Variants in CMIP observed in about 807,000 individuals in gnomAD.
CMIP encodes the protein c-Maf inducing protein.
Under a neutral mutation model 97.3 loss-of-function variants are expected in CMIP, and 13 were observed. The observed-to-expected ratio is 0.13, with a 90% confidence interval of 0.09 to 0.21. The LOEUF (loss-of-function observed/expected upper bound fraction) is 0.21, where lower values mean the gene tolerates loss of function less well. CMIP is among the 10% of genes least tolerant of loss of function. The pLI is 1.00. For synonymous variants in CMIP, 538 were observed against 436.3 expected, an observed-to-expected ratio of 1.23 and a Z score of -2.91; for missense variants, 847 against 1,024.9, an observed-to-expected ratio of 0.83 and a Z score of 2.37.
At chr16:81,679,724 CTG>C (rs981247007) in intron 10 of CMIP, among the ~76,000 whole-genome samples, 7 of 152,042 alleles carry the variant, frequency 4.6e-5, no homozygotes, top group Non-Finnish European at 8.8e-5. Context: ...AACCTCAACT[CTG>C]TGACTCTAGG....
intron 1 of CMIP, among the ~76,000 whole-genome samples, chr16:81,562,708 G>A (rs1009165298): frequency 3.3e-5 from 5 of 152,246 alleles, no homozygotes; most frequent in African/African-American, 1.2e-4. Flanking sequence ...TCTGTCCAGT[G>A]CCAGATGGCA....
At chr16:81,452,400 T>C (rs933786734) in intron 1 of CMIP, among the ~76,000 whole-genome samples, 2 of 152,094 alleles carry the variant, frequency 1.3e-5, no homozygotes, top group African/African-American at 4.8e-5. Flanking sequence ...ATTCAGCAGT[T>C]AAGTGTCACC....
At chr16:81,641,773 TGCAACTG>T (rs2092309507) in intron 3 of CMIP, among the ~76,000 whole-genome samples, 1 of 152,230 alleles carries the variant, frequency 6.6e-6, no homozygotes, top group African/African-American at 2.4e-5. Flanking sequence ...TGCACCAGCC[TGCAACTG>T]CCTTTGGGAA....
chr16:81,690,978 G>C (rs1189773341), intron 10 of CMIP, among the ~76,000 whole-genome samples: 2 of 152,084 alleles, frequency 1.3e-5, no homozygotes, highest in Non-Finnish European at 2.9e-5. Context: ...CAACAAATCA[G>C]GAGGTTTGAC....
chr16:81,647,440 G>A lies in CMIP; in HGVS notation c.478-4763G>A, dbSNP rs555318160. Among the ~76,000 whole-genome samples, 15 of 152,206 alleles carry A rather than the reference G, an allele frequency of 9.9e-5. No homozygotes were observed. In the East Asian group the frequency reaches 1.5e-3, roughly 16 times the overall value. On this transcript the variant is annotated intron_variant, in intron 3 of 20. Coordinates refer to ENST00000537098, the MANE Select transcript of CMIP (RefSeq NM_198390.3). ...AACAGGCAGGGGGCTGGGTTTCACC[G>A]CATGCTATAGTTCACCAACCCTGCT...
chr16:81,455,551 A>G (rs1262605587), intron 1 of CMIP, among the ~76,000 whole-genome samples: 1 of 151,134 alleles, frequency 6.6e-6, no homozygotes, highest in Non-Finnish European at 1.5e-5. Flanking sequence ...GAGTTCTACC[A>G]CTCCCCTGCT....
At chr16:81,637,990 A>G (rs1054577377) in intron 3 of CMIP, among the ~76,000 whole-genome samples, 4 of 152,148 alleles carry the variant, frequency 2.6e-5, no homozygotes, top group African/African-American at 9.7e-5. Context: ...CTCCACCCTC[A>G]TGAACTAATC....
chr16:81,688,850 A>T (rs1905725943), intron 10 of CMIP, among the ~76,000 whole-genome samples: 1 of 151,588 alleles, frequency 6.6e-6, no homozygotes, highest in Non-Finnish European at 1.5e-5. Context: ...GATGTTCCCC[A>T]CCCCGTGGCC....
chr16:81,611,055 G>T (rs187349188), intron 2 of CMIP, among the ~76,000 whole-genome samples: 2 of 152,096 alleles, frequency 1.3e-5, no homozygotes, highest in East Asian at 1.9e-4. Context: ...AAATGGTGCC[G>T]CCCGGCACAG....
At chr16:81,689,194 A>G (rs1318121729) in intron 10 of CMIP, among the ~76,000 whole-genome samples, 1 of 152,220 alleles carries the variant, frequency 6.6e-6, no homozygotes, top group African/African-American at 2.4e-5. Flanking sequence ...GGCTGGGTCA[A>G]ATGGTATTTC....
intron 20 of CMIP, among the ~76,000 whole-genome samples, chr16:81,709,240 C>T (rs1399363335): frequency 2.6e-5 from 4 of 152,180 alleles, no homozygotes; most frequent in African/African-American, 4.8e-5. Context: ...CCTGTCCATT[C>T]TCTGATAACG....
intron 1 of CMIP, among the ~76,000 whole-genome samples, chr16:81,574,001 T>C (rs924335009): frequency 3.2e-4 from 48 of 152,130 alleles, no homozygotes; most frequent in Non-Finnish European, 1.2e-4. Context: ...CTGGAGCCTT[T>C]ACCTGGACTG....
intron 1 of CMIP, among the ~76,000 whole-genome samples, chr16:81,556,217 G>T (rs116083748): frequency 3.9e-5 from 6 of 152,124 alleles, no homozygotes; most frequent in African/African-American, 1.2e-4. Context: ...TAGCCCGGGT[G>T]GGGTGGAAGG....
rs750508701 is a variant in CMIP, at chr16:81,696,664, C to T, written c.1635C>T (p.Ser545=). Residue 545 remains serine (S), a synonymous_variant, in exon 14 of 21, where the codon AGC becomes AGT. Coordinates refer to ENST00000537098, the MANE Select transcript of CMIP (RefSeq NM_198390.3). The part of the protein sequence containing the change: ...ACDDDGELFA[S]MVHILMGSCY... ...ACGATGACGGGGAGCTGTTCGCCAGCATGGTACGCAGTGGGACCCCAGTGG... is the reference window on the plus strand; with the variant it reads ...ACGATGACGGGGAGCTGTTCGCCAGTATGGTACGCAGTGGGACCCCAGTGG... 1 of 1,605,298 alleles carries T rather than the reference C, an allele frequency of 6.2e-7. No individual in the cohort carries two copies. Among genetic ancestry groups the T allele is most frequent in the Non-Finnish European group, 8.5e-7 (1 of 1,179,632 alleles).
rs769498872 is a variant in CMIP at position 81,453,741 on chromosome 16, C to T, written c.300+8200C>T. Among the ~76,000 whole-genome samples the T allele has an allele frequency of 4.6e-5, 7 of 152,200 alleles. No homozygotes were observed. Among genetic ancestry groups the T allele is most frequent in the Non-Finnish European group, 8.8e-5 (6 of 68,042 alleles). ...TTCTTGCAGTCCTGCAGGGGTCTCC[C>T]GAGGGTTCTGCCCCCTCTTTTTCTT... On this transcript the variant is annotated intron_variant, in intron 1 of 20. Transcript: ENST00000537098. The surrounding 1 kb of genome is among the most constrained non-coding windows in gnomAD (Gnocchi z 4.0).
chr16:81,524,685 G>C (rs1348033850), intron 1 of CMIP, among the ~76,000 whole-genome samples: 1 of 152,256 alleles, frequency 6.6e-6, no homozygotes, highest in East Asian at 1.9e-4. Flanking sequence ...CACAGGCCCT[G>C]CTCAGAGCCA....
rs567861270 is a variant in CMIP, at chr16:81,516,110, T to C, written c.300+70569T>C. Among the ~76,000 whole-genome samples the C allele has an allele frequency of 2.6e-3, 394 of 152,236 alleles. 1 individual carries two copies. The highest frequency in any genetic ancestry group is 9.3e-3 in the African/African-American group (386 of 41,540). On this transcript the variant is annotated intron_variant, in intron 1 of 20. Coordinates refer to ENST00000537098, the MANE Select transcript of CMIP (RefSeq NM_198390.3). ...GTTTGGGTTCTGGGATCTCCTTCCTTGTGTACCCAGTGCCCTGCGTTGGAG... is the reference window on the plus strand; with the variant it reads ...GTTTGGGTTCTGGGATCTCCTTCCTCGTGTACCCAGTGCCCTGCGTTGGAG...
intron 1 of CMIP, among the ~76,000 whole-genome samples, chr16:81,578,701 C>A (rs1166180418): frequency 1.3e-5 from 2 of 152,240 alleles, no homozygotes; most frequent in Non-Finnish European, 2.9e-5. Context: ...ACGTGGGAGA[C>A]ATCACAAAAG....
chr16:81,648,633 A>G (rs1031525498), intron 3 of CMIP, among the ~76,000 whole-genome samples: 5 of 151,780 alleles, frequency 3.3e-5, no homozygotes, highest in Non-Finnish European at 5.9e-5. Context: ...AAATACAAAA[A>G]TTAGCTGGGC....
Sources: allele counts gnomAD v4.1 joint callset (sites outside exome capture counted in the v4.1 genomes callset), GRCh38; gene constraint gnomAD v4.1.1; non-coding constraint Gnocchi (gnomAD v3.1); transcripts MANE v1.5; gene names NCBI Gene and HGNC (gene_info 2026-07-23, HGNC 2026-07-21).